The following TTI1 variants were observed in gnomAD, a reference collection of about 807,000 sequenced individuals.
TTI1 encodes the protein TELO2-interacting protein 1 homolog.
TTI1 carries 52 observed loss-of-function variants against 85.4 expected under a neutral mutation model. That is an observed-to-expected ratio of 0.61 (90% confidence interval 0.49 to 0.77). TTI1 has a LOEUF of 0.77. Among genes scored for constraint, TTI1 ranks in the 30% least tolerant of loss-of-function variants. TTI1 has a pLI of 0.00. For synonymous variants in TTI1, 512 were observed against 503.9 expected (o/e 1.02, Z -0.22); for missense variants, 1,173 against 1,296.0 (o/e 0.91, Z 1.46).
intron 6 of TTI1, 135 bp downstream of exon 6, chr20:37,996,614 C>A: frequency 1.4e-6 from 2 of 1,388,728 alleles, no homozygotes; most frequent in Non-Finnish European, 1.0e-6. Context: ...GATAAATGGA[C>A]AAATGAGGCC....
At position 38,025,203 on chromosome 20, in the gene TTI1, T is replaced by C. The variant is rs571060737; in HGVS notation, c.-42+8201A>G. ...AGCCTCAACAGATGTCTCAGAACAT[T>C]ATACAGAAATGTCCGAATCTCAATA... is the stretch of plus-strand genomic sequence containing the variant. On this transcript the variant is annotated intron_variant, in intron 1 of 7. Transcript: ENST00000373447. Among the ~76,000 whole-genome samples, 158 of 152,232 alleles carry C rather than the reference T, an allele frequency of 1.0e-3. 2 individuals carry two copies. Among genetic ancestry groups the C allele is most frequent in the African/African-American group, 3.7e-3 (155 of 41,538 alleles).
At chr20:37,997,029 G>A (rs563885987) in intron 5 of TTI1, 76 bp from the exon 6 acceptor site, 48 of 1,488,120 alleles carry the variant, frequency 3.2e-5, no homozygotes, top group Admixed American at 3.0e-4. Context: ...TTGGTAATTC[G>A]ATTTCATCTA....
intron 1 of TTI1, among the ~76,000 whole-genome samples, chr20:38,029,299 C>T (rs140647858): frequency 1.1e-3 from 163 of 151,982 alleles, no homozygotes; most frequent in African/African-American, 3.5e-3. Flanking sequence ...TCTGTGGATA[C>T]AGCTATAGCC....
At chr20:38,015,998 A>G (rs2073676749) in intron 1 of TTI1, among the ~76,000 whole-genome samples, 1 of 152,236 alleles carries the variant, frequency 6.6e-6, no homozygotes, top group Admixed American at 6.5e-5. Flanking sequence ...CACTCTAAAT[A>G]TGAAGAGAAA....
chr20:38,013,730 A>C lies in TTI1; in HGVS notation c.87T>G (p.Asn29Lys), dbSNP rs2073639880. The change falls in exon 2 of 8, where the codon AAT (asparagine) becomes AAG (lysine). Residue 29 changes from asparagine (N) to lysine (K), a missense_variant. By Grantham distance (94) the Asn-to-Lys change is moderately conservative (BLOSUM62 0). Transcript: ENST00000373447. ...VQLTKTQTVE[N>K]VEHLQTRLQA... ...GTAGTCGTGTCTGCAGATGCTCCAC[A>C]TTCTCCACTGTCTGGGTCTTTGTGA... The C allele has an allele frequency of 4.3e-6, 7 of 1,614,138 alleles. No homozygotes were observed. In the East Asian group the frequency reaches 1.3e-4, roughly 31 times the overall value.
At chr20:37,987,598 C>T (rs936005634) in intron 7 of TTI1, among the ~76,000 whole-genome samples, 1 of 152,236 alleles carries the variant, frequency 6.6e-6, no homozygotes, top group Non-Finnish European at 1.5e-5. Flanking sequence ...AGCTGTGCCA[C>T]ATGCCTCCGA....
intron 7 of TTI1, among the ~76,000 whole-genome samples, chr20:37,984,381 C>T (rs528883782): frequency 1.3e-5 from 2 of 152,326 alleles, no homozygotes; most frequent in East Asian, 1.9e-4. Context: ...CCCTGGGCTA[C>T]TGGACACCCC....
chr20:37,993,082 AC>A (rs1269872411), intron 7 of TTI1, among the ~76,000 whole-genome samples: 2 of 148,976 alleles, frequency 1.3e-5, no homozygotes, highest in Admixed American at 6.7e-5. Flanking sequence ...CATTGAAGTT[AC>A]TTAACTAGAG....
In TTI1 at chr20:38,031,979, G is replaced by A. The variant is rs73298434; in HGVS notation, c.-42+1425C>T. Among the ~76,000 whole-genome samples, 429 of 152,324 alleles carry A rather than the reference G, an allele frequency of 2.8e-3. 3 individuals carry two copies. Among genetic ancestry groups the A allele is most frequent in the African/African-American group, 9.8e-3 (406 of 41,582 alleles). ...TATGACAGTGTTATTAATATGGAAA[G>A]ATGATCTAGATTTCGACACAAAAGC... is the stretch of plus-strand genomic sequence containing the variant. On this transcript the variant is annotated intron_variant, in intron 1 of 7. Coordinates refer to ENST00000373447, the MANE Select transcript of TTI1 (RefSeq NM_001303457.2).
chr20:38,025,653 G>A (rs6013676), intron 1 of TTI1, among the ~76,000 whole-genome samples: 40,755 of 151,922 alleles, frequency 0.27, 7,408 homozygotes, highest in African/African-American at 0.53. Context: ...AGAATTATCT[G>A]ATGAAGACAT....
At chr20:37,990,757 C>T (rs915215147) in intron 7 of TTI1, among the ~76,000 whole-genome samples, 1 of 152,142 alleles carries the variant, frequency 6.6e-6, no homozygotes, top group East Asian at 1.9e-4. Flanking sequence ...TTTGTGCAGG[C>T]GGTGCTGCGA....
intron 1 of TTI1, among the ~76,000 whole-genome samples, chr20:38,015,880 AGG>A (rs1302106647): frequency 6.6e-6 from 1 of 152,224 alleles, no homozygotes; most frequent in Non-Finnish European, 1.5e-5. Context: ...CCAGCATGTA[AGG>A]GGGAATTTGA....
In TTI1 at chr20:37,991,599, A is replaced by G. The variant is rs530743545; in HGVS notation, c.3086+4776T>C. ...AACAGTGGTGGCACAATTAACATGAAAAAGATCCTTTTGAGGTGAAATCCC... is the reference window on the plus strand; with the variant it reads ...AACAGTGGTGGCACAATTAACATGAGAAAGATCCTTTTGAGGTGAAATCCC... On this transcript the variant is annotated intron_variant, in intron 7 of 7. Transcript: ENST00000373447. Among the ~76,000 whole-genome samples the G allele has an allele frequency of 2.6e-3, 397 of 152,356 alleles. 2 individuals are homozygous for G. Among genetic ancestry groups the G allele is most frequent in the Non-Finnish European group, 4.7e-3 (318 of 68,032 alleles).
intron 7 of TTI1, among the ~76,000 whole-genome samples, chr20:37,993,442 T>C (rs1600607560): frequency 6.6e-6 from 1 of 152,170 alleles, no homozygotes; most frequent in East Asian, 1.9e-4. Context: ...TGGTCATTCT[T>C]TGGAGCCAGG....
chr20:38,027,910 C>T (rs897820046), intron 1 of TTI1, among the ~76,000 whole-genome samples: 8 of 151,754 alleles, frequency 5.3e-5, no homozygotes, highest in African/African-American at 1.5e-4. Context: ...GGTGACAGAG[C>T]GAGGCTCCAT....
chr20:37,996,987 A>G (rs765255694), intron 5 of TTI1, 34 bp from the exon 6 acceptor site: 4 of 1,603,878 alleles, frequency 2.5e-6, no homozygotes, highest in Non-Finnish European at 2.6e-6. Context: ...GTGAGTGAAC[A>G]TTGCCAAGGC....
intron 1 of TTI1, among the ~76,000 whole-genome samples, chr20:38,019,837 C>T (rs2073738117): frequency 6.6e-6 from 1 of 152,200 alleles, no homozygotes; most frequent in Non-Finnish European, 1.5e-5. Context: ...GCCTCTGTAT[C>T]TTGGCCATCC....
At chr20:38,008,281 C>T (rs1387525057) in intron 2 of TTI1, among the ~76,000 whole-genome samples, 3 of 152,058 alleles carry the variant, frequency 2.0e-5, no homozygotes, top group Non-Finnish European at 2.9e-5. Context: ...AGAAATTCAT[C>T]CTATTAATAT....
chr20:37,985,085 T>G (rs1272117981), intron 7 of TTI1, among the ~76,000 whole-genome samples: 1 of 152,168 alleles, frequency 6.6e-6, no homozygotes, highest in Admixed American at 6.5e-5. Flanking sequence ...GGATTCAAAT[T>G]ATCAGAGGCA....
Sources: gnomAD v4.1 joint callset for allele counts (sites outside exome capture counted in the v4.1 genomes callset) on GRCh38, gnomAD v4.1.1 for gene constraint, MANE v1.5 for transcripts, NCBI Gene and HGNC (gene_info 2026-07-23, HGNC 2026-07-21) for gene names.